Variants in PPM1H observed in about 807,000 individuals in gnomAD.
PPM1H encodes protein phosphatase 1H.
PPM1H carries 27 observed loss-of-function variants against 54.9 expected under a neutral mutation model. That is an observed-to-expected ratio of 0.49 (90% CI 0.36 to 0.68). The LOEUF (loss-of-function observed/expected upper bound fraction) is 0.68. Among genes scored for constraint, PPM1H ranks in the 30% least tolerant of loss-of-function variants. The probability of loss-of-function intolerance (pLI) is 0.00; values close to 1 mark genes in which losing one functional copy is unlikely to be tolerated. For synonymous variants in PPM1H, 305 were observed against 270.8 expected (o/e 1.13, Z -1.24); for missense variants, 596 against 667.8 (o/e 0.89, Z 1.19).
At chr12:62,705,910 C>G (rs760012792) in intron 6 of PPM1H, among the ~76,000 whole-genome samples, 1 of 152,164 alleles carries the variant, frequency 6.6e-6, no homozygotes, top group Non-Finnish European at 1.5e-5. Context: ...AAATAGCAAA[C>G]AGATTATTAA....
At chr12:62,678,414 T>G (rs765537826) in intron 8 of PPM1H, among the ~76,000 whole-genome samples, 2 of 152,140 alleles carry the variant, frequency 1.3e-5, no homozygotes, top group Non-Finnish European at 2.9e-5. Flanking sequence ...CACATACAGG[T>G]TGGTTTCTGT....
chr12:62,884,089 C>T (rs1870492315), intron 1 of PPM1H, among the ~76,000 whole-genome samples: 1 of 152,110 alleles, frequency 6.6e-6, no homozygotes, highest in Non-Finnish European at 1.5e-5. Context: ...AACTTGAACT[C>T]AAATGTTCAG....
At chr12:62,858,313 A>T (rs1869468912) in intron 1 of PPM1H, among the ~76,000 whole-genome samples, 1 of 152,020 alleles carries the variant, frequency 6.6e-6, no homozygotes, top group Admixed American at 6.6e-5. Context: ...ACAAATAATT[A>T]TATTATGCTA....
chr12:62,838,920 C>CAAAAAAA (rs71278269), intron 1 of PPM1H, among the ~76,000 whole-genome samples: 113 of 33,314 alleles, frequency 3.4e-3, no homozygotes, highest in Non-Finnish European at 3.9e-3. Flanking sequence ...GACTCCGTCT[C>CAAAAAAA]AAAAAAAAAA....
intron 1 of PPM1H, among the ~76,000 whole-genome samples, chr12:62,877,609 G>A (rs1870222795): frequency 6.6e-6 from 1 of 152,058 alleles, no homozygotes; most frequent in Non-Finnish European, 1.5e-5. Context: ...TTGAGATGAA[G>A]CAAACCAAAA....
At chr12:62,848,728 A>G (rs892883372) in intron 1 of PPM1H, among the ~76,000 whole-genome samples, 1 of 152,148 alleles carries the variant, frequency 6.6e-6, no homozygotes, top group Non-Finnish European at 1.5e-5. Context: ...GCCTCATTCC[A>G]CTGAGCTAGA....
intron 2 of PPM1H, among the ~76,000 whole-genome samples, chr12:62,822,363 G>T (rs551923418): frequency 6.6e-6 from 1 of 152,144 alleles, no homozygotes; most frequent in Admixed American, 6.5e-5. Context: ...GGTTAACAAC[G>T]ATATCCAGGA....
intron 1 of PPM1H, among the ~76,000 whole-genome samples, chr12:62,901,083 G>A (rs1871154256): frequency 6.6e-6 from 1 of 152,112 alleles, no homozygotes; most frequent in South Asian, 2.1e-4. Context: ...CATGTAGCCG[G>A]ATACATTTTT....
intron 8 of PPM1H, among the ~76,000 whole-genome samples, chr12:62,668,922 C>G (rs1340191194): frequency 6.6e-6 from 1 of 152,244 alleles, no homozygotes; most frequent in Non-Finnish European, 1.5e-5. Flanking sequence ...AGCAGCAGAA[C>G]ACAACAAAAT....
At chr12:62,795,806 G>A (rs868346892) in intron 3 of PPM1H, among the ~76,000 whole-genome samples, 20 of 151,248 alleles carry the variant, frequency 1.3e-4, no homozygotes, top group Admixed American at 6.6e-4. Flanking sequence ...GGCTCACTGC[G>A]ACCTCTGCCT....
intron 8 of PPM1H, among the ~76,000 whole-genome samples, chr12:62,670,651 T>C (rs1421137065): frequency 6.6e-6 from 1 of 152,194 alleles, no homozygotes; most frequent in Admixed American, 6.5e-5. Flanking sequence ...TATAAAATGC[T>C]ACTCTTCAAT....
chr12:62,748,200 G>T (rs568561278), intron 4 of PPM1H, among the ~76,000 whole-genome samples: 2 of 150,996 alleles, frequency 1.3e-5, no homozygotes, highest in Non-Finnish European at 2.9e-5. Context: ...CCGAGATTGC[G>T]CCACTGTACT....
intron 6 of PPM1H, among the ~76,000 whole-genome samples, chr12:62,702,544 CAGAGAGAGAG>C (rs66497730): frequency 2.6e-4 from 36 of 140,736 alleles, no homozygotes; most frequent in Middle Eastern, 3.8e-3. Context: ...CCTTGAGCTA[CAGAGAGAGAG>C]AGAGAGAGAG....
chr12:62,765,689 C>CAGGTGT (rs2076538400), intron 4 of PPM1H, among the ~76,000 whole-genome samples: 3 of 152,028 alleles, frequency 2.0e-5, no homozygotes, highest in African/African-American at 7.2e-5. Flanking sequence ...GAGGGGAGAC[C>CAGGTGT]CTTGGGCCCC....
rs34457644 is a variant in PPM1H, at chr12:62,793,740, C to CAAAAAAAAAAAAA, written c.757-5415_757-5403dup. Among the ~76,000 whole-genome samples, 251 of 61,198 alleles carry CAAAAAAAAAAAAA rather than the reference C, an allele frequency of 4.1e-3. 7 individuals are homozygous for CAAAAAAAAAAAAA. Among genetic ancestry groups the CAAAAAAAAAAAAA allele is most frequent in the Middle Eastern group, 0.015 (1 of 68 alleles). The allele number at this position is 61,198 out of a possible 152,430, so 40.1% of individuals were successfully genotyped here. ...GGGCAACAAGAGAGAAACTCCGTTT[C>CAAAAAAAAAAAAA]AAAAAAAAAAAAAAAAAAAAAAGGC... On this transcript the variant is annotated intron_variant, in intron 3 of 9. Transcript: ENST00000228705.
Position 62,900,923 on chromosome 12 carries a change from T to C in PPM1H, c.245+33569A>G, listed in dbSNP as rs11835221. Among the ~76,000 whole-genome samples, 468 of 152,310 alleles carry C rather than the reference T, an allele frequency of 3.1e-3. 4 individuals carry two copies. The highest frequency in any genetic ancestry group is 0.011 in the African/African-American group (459 of 41,558). On this transcript the variant is annotated intron_variant, in intron 1 of 9. Transcript: ENST00000228705. ...TTCTCAATGCCCCTACATATTTCTA[T>C]TTCCATGTGCTATGATATAATTTCC...
chr12:62,896,122 G>A (rs963083978), intron 1 of PPM1H, among the ~76,000 whole-genome samples: 1 of 152,174 alleles, frequency 6.6e-6, no homozygotes, highest in Admixed American at 6.6e-5. Context: ...TTCAGATGAT[G>A]TGAATACCGG....
chr12:62,785,162 A>G (rs139850688), intron 4 of PPM1H, among the ~76,000 whole-genome samples: 4,223 of 152,290 alleles, frequency 0.028, 179 homozygotes, highest in African/African-American at 0.096. Context: ...ATGATTAGAT[A>G]TAACATGTAA....
chr12:62,864,551 T>C (rs1175540477), intron 1 of PPM1H, among the ~76,000 whole-genome samples: 1 of 152,232 alleles, frequency 6.6e-6, no homozygotes, highest in African/African-American at 2.4e-5. Context: ...AAGTTACTTT[T>C]ATGTTGCAGG....
Sources: allele counts gnomAD v4.1 joint callset (sites outside exome capture counted in the v4.1 genomes callset), GRCh38; gene constraint gnomAD v4.1.1; transcripts MANE v1.5; gene names NCBI Gene and HGNC (gene_info 2026-07-23, HGNC 2026-07-21).